Variants in TNIP1 observed in about 807,000 individuals in gnomAD.
TNIP1 encodes TNFAIP3 interacting protein 1.
TNIP1 carries 22 observed loss-of-function variants against 86.6 expected under a neutral mutation model. The ratio of observed to expected loss-of-function variants is 0.25; its 90% CI spans 0.18 to 0.36. The LOEUF is 0.36. Among genes scored for constraint, TNIP1 ranks in the 10% least tolerant of loss-of-function variants. The pLI, the probability that TNIP1 is intolerant of heterozygous loss-of-function variation, is 1.00. For missense variants in TNIP1, 709 were observed against 820.6 expected (o/e 0.86, Z 1.66); for synonymous variants, 294 against 313.0 (o/e 0.94, Z 0.64).
chr5:151,066,998 G>T (rs1258071949), intron 1 of TNIP1, among the ~76,000 whole-genome samples: 1 of 152,136 alleles, frequency 6.6e-6, no homozygotes, highest in Non-Finnish European at 1.5e-5. Context: ...GAAAAACAAA[G>T]TTCTGATGAG....
At chr5:151,086,557 C>A (rs1764285418) in intron 1 of TNIP1, among the ~76,000 whole-genome samples, 1 of 152,138 alleles carries the variant, frequency 6.6e-6, no homozygotes, top group Non-Finnish European at 1.5e-5. Context: ...CACTTGTACC[C>A]TCTCCATCAA....
At chr5:151,055,906 T>C (rs1760598436) in intron 6 of TNIP1, among the ~76,000 whole-genome samples, 1 of 152,126 alleles carries the variant, frequency 6.6e-6, no homozygotes, top group Non-Finnish European at 1.5e-5. Context: ...TCACCAATTA[T>C]AACTGAACAC....
intron 1 of TNIP1, among the ~76,000 whole-genome samples, chr5:151,069,709 G>A (rs1405320686): frequency 6.6e-6 from 1 of 152,154 alleles, no homozygotes; most frequent in Non-Finnish European, 1.5e-5. Flanking sequence ...TGGCAGAGGG[G>A]GTATAGGGAA....
chr5:151,049,916 TCAA>T lies in TNIP1; in HGVS notation c.751_753del (p.Leu251del). 2 of 1,614,174 alleles carry T rather than the reference TCAA, an allele frequency of 1.2e-6. No individual in the cohort carries two copies. The highest frequency in any genetic ancestry group is 1.7e-6 in the Non-Finnish European group (2 of 1,180,006). On this transcript the variant is annotated inframe_deletion, in exon 8 of 18. Coordinates refer to ENST00000521591, the MANE Select transcript of TNIP1 (RefSeq NM_006058.5). ...GCACCCTCTTTGTTGCCATTGCTCA[TCAA>T]CAACTTCTTGAGCTCCAAATTTTCC...
At chr5:151,062,457 T>C (rs1388166839) in intron 3 of TNIP1, among the ~76,000 whole-genome samples, 2 of 152,234 alleles carry the variant, frequency 1.3e-5, no homozygotes, top group East Asian at 1.9e-4. Context: ...CCAAGTTGGC[T>C]GCTGCTCCTT....
chr5:151,056,324 G>A (rs1307859824), intron 6 of TNIP1, among the ~76,000 whole-genome samples: 1 of 152,122 alleles, frequency 6.6e-6, no homozygotes, highest in Non-Finnish European at 1.5e-5. Flanking sequence ...GCGAGAGATC[G>A]AGGTTCCAAT....
chr5:151,064,395 A>G (rs73272817), intron 2 of TNIP1, among the ~76,000 whole-genome samples: 4,619 of 152,312 alleles, frequency 0.03, 223 homozygotes, highest in African/African-American at 0.1. Flanking sequence ...GGGGAAATCA[A>G]TGAAAGCCTT....
chr5:151,059,779 CAGAG>C (rs55637016), intron 5 of TNIP1, among the ~76,000 whole-genome samples: 3,041 of 67,260 alleles, frequency 0.045, 31 homozygotes, highest in South Asian at 0.076. Context: ...GTACGAGAGA[CAGAG>C]AGAGAGAGAG....
upstream of TNIP1, among the ~76,000 whole-genome samples, chr5:151,085,476 T>G (rs1490259033): frequency 6.6e-6 from 1 of 152,208 alleles, no homozygotes; most frequent in African/African-American, 2.4e-5. Context: ...CTGCTGACTT[T>G]TCTCCAGGCT....
chr5:151,062,208 C>A lies in TNIP1; in HGVS notation c.276G>T (p.Lys92Asn), dbSNP rs751627129. The A allele has an allele frequency of 2.9e-5, 46 of 1,613,992 alleles. No homozygotes were observed. In the African/African-American group the frequency reaches 5.1e-4, roughly 18 times the overall value. The change falls in exon 4 of 18, where the codon AAG becomes AAT. Residue 92 changes from lysine (K) to asparagine (N), a missense_variant. Transcript: ENST00000521591. ...SFDPLAELTG[K>N]DSNVTASPTA... ...TGGGAGATGCTGTGACATTTGAGTC[C>A]TTTCCTGGAGAATCAAGAAAGCACA...
intron 3 of TNIP1, among the ~76,000 whole-genome samples, chr5:151,062,570 A>T (rs1186264122): frequency 6.6e-6 from 1 of 152,188 alleles, no homozygotes; most frequent in Non-Finnish European, 1.5e-5. Context: ...CCATATCCCC[A>T]TTTTAAAGGT....
At chr5:151,064,494 G>A (rs1761994929) in intron 2 of TNIP1, among the ~76,000 whole-genome samples, 1 of 150,056 alleles carries the variant, frequency 6.7e-6, no homozygotes, top group African/African-American at 2.5e-5. Context: ...TCTAAAGTGG[G>A]GATGGCTTGA....
At chr5:151,036,986 T>C (rs1209593676) in intron 12 of TNIP1, 65 bp from the exon 13 acceptor site, 11 of 1,516,590 alleles carry the variant, frequency 7.3e-6, no homozygotes, top group Non-Finnish European at 9.7e-6. Context: ...TTTGGAGGGG[T>C]CATCCTCAGG....
intron 8 of TNIP1, among the ~76,000 whole-genome samples, chr5:151,047,577 C>A (rs1759338860): frequency 6.6e-6 from 1 of 152,106 alleles, no homozygotes; most frequent in Non-Finnish European, 1.5e-5. Flanking sequence ...TAGTTTTGAT[C>A]ATTTAACCTG....
upstream of TNIP1, among the ~76,000 whole-genome samples, chr5:151,086,005 C>T (rs1308880259): frequency 6.6e-6 from 1 of 152,204 alleles, no homozygotes; most frequent in African/African-American, 2.4e-5. Context: ...TCAGACTTGG[C>T]CTCTGTTCCT....
At chr5:151,032,450 C>T (rs895282680) in intron 16 of TNIP1, 67 bp from the exon 17 acceptor site, 11 of 1,432,510 alleles carry the variant, frequency 7.7e-6, no homozygotes, top group Admixed American at 3.7e-5. Context: ...CCTACTGTGC[C>T]AGGACAATAC....
intron 6 of TNIP1, among the ~76,000 whole-genome samples, chr5:151,053,315 G>A (rs956452750): frequency 1.3e-5 from 2 of 151,930 alleles, no homozygotes; most frequent in African/African-American, 4.8e-5. Flanking sequence ...TCACCATGTT[G>A]GCCAGGCTGG....
At chr5:151,071,338 C>T (rs1423233106) in intron 1 of TNIP1, among the ~76,000 whole-genome samples, 1 of 152,086 alleles carries the variant, frequency 6.6e-6, no homozygotes, top group Non-Finnish European at 1.5e-5. Context: ...AGCTGGGGCG[C>T]CAGAACTGTG....
intron 1 of TNIP1, among the ~76,000 whole-genome samples, chr5:151,079,702 T>C (rs2113844772): frequency 6.6e-6 from 1 of 152,290 alleles, no homozygotes; most frequent in South Asian, 2.1e-4. Context: ...ATTATCAGTT[T>C]TTTCACTGCC....
Sources: gnomAD v4.1 joint callset for allele counts (sites outside exome capture counted in the v4.1 genomes callset) on GRCh38, gnomAD v4.1.1 for gene constraint, MANE v1.5 for transcripts, NCBI Gene and HGNC (gene_info 2026-07-23, HGNC 2026-07-21) for gene names.